C1orf21: variants seen among roughly 807,000 people sequenced by gnomAD.
C1orf21 encodes chromosome 1 open reading frame 21, also known as uncharacterized protein C1orf21.
A neutral mutation model predicts 18.7 loss-of-function variants in C1orf21; 3 were observed. That is an observed-to-expected ratio of 0.16 (90% confidence interval 0.07 to 0.42). The LOEUF (loss-of-function observed/expected upper bound fraction) is 0.42. Among genes scored for constraint, C1orf21 ranks in the 10% least tolerant of loss-of-function variants. The probability of loss-of-function intolerance (pLI) is 0.99; values close to 1 mark genes in which losing one functional copy is unlikely to be tolerated. For missense variants in C1orf21, 104 were observed against 143.6 expected, an observed-to-expected ratio of 0.72 and a Z score of 1.41; for synonymous variants, 41 against 46.4, an observed-to-expected ratio of 0.88 and a Z score of 0.47.
At chr1:184,497,864 A>G (rs953622632) in intron 2 of C1orf21, among the ~76,000 whole-genome samples, 1 of 152,174 alleles carries the variant, frequency 6.6e-6, no homozygotes, top group Non-Finnish European at 1.5e-5. Context: ...ATACTGAATA[A>G]TCTCATTCAT....
At chr1:184,604,013 T>A (rs914766155) in intron 5 of C1orf21, among the ~76,000 whole-genome samples, 1 of 152,216 alleles carries the variant, frequency 6.6e-6, no homozygotes, top group African/African-American at 2.4e-5. Context: ...ATTAGTCTGA[T>A]CCATGTTATG....
intron 1 of C1orf21, among the ~76,000 whole-genome samples, chr1:184,451,252 C>T (rs1451746019): frequency 6.6e-6 from 1 of 151,838 alleles, no homozygotes; most frequent in African/African-American, 2.4e-5. Flanking sequence ...GTTCTTTTAA[C>T]CATTTTATAT....
chr1:184,590,855 C>T, intron 4 of C1orf21, 40 bp downstream of exon 4: 1 of 1,515,792 alleles, frequency 6.6e-7, no homozygotes, highest in Non-Finnish European at 9.2e-7. Context: ...AGTCGGCCTT[C>T]CATATCCATG....
At chr1:184,470,253 C>T (rs1160372149) in intron 1 of C1orf21, among the ~76,000 whole-genome samples, 1 of 152,102 alleles carries the variant, frequency 6.6e-6, no homozygotes, top group Non-Finnish European at 1.5e-5. Flanking sequence ...AGCCCCACGT[C>T]TGATTAGAAG....
rs2102015573 is a variant in C1orf21, at chr1:184,622,584, G to A, written c.*3028G>A. 1 of 152,822 alleles carries A rather than the reference G, an allele frequency of 6.5e-6. No homozygotes were observed. The highest frequency in any genetic ancestry group is 2.4e-5 in the African/African-American group (1 of 41,578). The allele number at this position is 152,822 out of a possible 1,614,324, so 9.5% of individuals were successfully genotyped here. ...TGCTTCCTAGCCCCAGGCTTGCAGAGAACACAGAGTGGTGTTGTGGTCTAT... is the reference window on the plus strand; with the variant it reads ...TGCTTCCTAGCCCCAGGCTTGCAGAAAACACAGAGTGGTGTTGTGGTCTAT... On this transcript the variant is annotated 3_prime_UTR_variant, in exon 6 of 6. Transcript: ENST00000235307.
chr1:184,559,784 A>C lies in C1orf21; in HGVS notation c.190-30955A>C, dbSNP rs551764904. Among the ~76,000 whole-genome samples the C allele has an allele frequency of 2.0e-5, 3 of 151,848 alleles. No individual in the cohort carries two copies. The East Asian group carries it at 5.8e-4, about 29-fold the overall frequency. On this transcript the variant is annotated intron_variant, in intron 3 of 5. Transcript: ENST00000235307. ...AGGTGCATGCCACCATGCCCAGCAA[A>C]TTTTTGTAATTCTTATAAAGATGAG...
chr1:184,460,828 G>A (rs1657297634), intron 1 of C1orf21, among the ~76,000 whole-genome samples: 1 of 150,120 alleles, frequency 6.7e-6, no homozygotes, highest in Admixed American at 6.7e-5. Flanking sequence ...AAGTAATCTA[G>A]ATAAGACAGA....
intron 3 of C1orf21, among the ~76,000 whole-genome samples, chr1:184,572,883 G>A (rs557557253): frequency 4.0e-5 from 6 of 151,880 alleles, no homozygotes; most frequent in East Asian, 1.9e-4. Flanking sequence ...ACCAGGAGGC[G>A]GAGGTTGCAG....
chr1:184,625,886 A>G lies in C1orf21; in HGVS notation c.*6330A>G, dbSNP rs6701227. 24,553 of 152,032 alleles carry G rather than the reference A, an allele frequency of 0.16. 2,414 individuals are homozygous for G. Among genetic ancestry groups the G allele is most frequent in the African/African-American group, 0.29 (11,837 of 41,374 alleles). 9.4% of individuals were successfully genotyped at this position (152,032 alleles called of 1,614,324 possible). A position where few individuals can be genotyped will look rare whatever the true frequency, so the allele number is the denominator to read the frequency against. On this transcript the variant is annotated 3_prime_UTR_variant, in exon 6 of 6. Coordinates refer to ENST00000235307, the MANE Select transcript of C1orf21 (RefSeq NM_030806.4). ...CCTTTCCTGGCCTTACACACATAATAGACACATCCCTAACGGCGTGTGCCT... is the reference window on the plus strand; with the variant it reads ...CCTTTCCTGGCCTTACACACATAATGGACACATCCCTAACGGCGTGTGCCT...
intron 1 of C1orf21, among the ~76,000 whole-genome samples, chr1:184,467,991 T>C (rs986155174): frequency 5.1e-5 from 7 of 138,202 alleles, no homozygotes; most frequent in Admixed American, 1.4e-4. Flanking sequence ...TTTTATGGTG[T>C]GTGTGTGTGT....
At chr1:184,445,729 G>A (rs1657020153) in intron 1 of C1orf21, among the ~76,000 whole-genome samples, 1 of 152,048 alleles carries the variant, frequency 6.6e-6, no homozygotes, top group South Asian at 2.1e-4. Context: ...CCTTAGGAGG[G>A]CATTAGTTAG....
At chr1:184,559,196 C>A (rs1423570575) in intron 3 of C1orf21, among the ~76,000 whole-genome samples, 1 of 152,124 alleles carries the variant, frequency 6.6e-6, no homozygotes, top group Non-Finnish European at 1.5e-5. Context: ...GAGGATCCCT[C>A]ATGGCTTGGT....
At chr1:184,536,822 A>G (rs1658563882) in intron 3 of C1orf21, among the ~76,000 whole-genome samples, 1 of 148,994 alleles carries the variant, frequency 6.7e-6, no homozygotes, top group South Asian at 2.2e-4. Context: ...TCGACAGCAT[A>G]GTCTGATGGA....
intron 1 of C1orf21, among the ~76,000 whole-genome samples, chr1:184,414,943 A>C (rs35350002): frequency 0.047 from 7,204 of 152,220 alleles, 276 homozygotes; most frequent in Non-Finnish European, 0.071. Context: ...TTGTTTTTCA[A>C]CGTTTGAGAT....
intron 3 of C1orf21, among the ~76,000 whole-genome samples, chr1:184,565,759 A>G (rs943251817): frequency 6.6e-6 from 1 of 152,256 alleles, no homozygotes; most frequent in Admixed American, 6.5e-5. Flanking sequence ...AAAGTCCTGC[A>G]TATTAAACCT....
At chr1:184,550,583 G>A (rs1415678998) in intron 3 of C1orf21, among the ~76,000 whole-genome samples, 1 of 152,128 alleles carries the variant, frequency 6.6e-6, no homozygotes, top group Non-Finnish European at 1.5e-5. Flanking sequence ...CACCCAGGCT[G>A]GAGTGCAGTG....
At chr1:184,511,950 A>G (rs1361539745) in intron 3 of C1orf21, among the ~76,000 whole-genome samples, 2 of 152,154 alleles carry the variant, frequency 1.3e-5, no homozygotes, top group Non-Finnish European at 2.9e-5. Context: ...TCCCCTTACA[A>G]GTGAAGATTG....
intron 3 of C1orf21, among the ~76,000 whole-genome samples, chr1:184,531,161 A>G (rs1658456984): frequency 6.6e-6 from 1 of 152,200 alleles, no homozygotes; most frequent in South Asian, 2.1e-4. Context: ...CTGCTTACAA[A>G]TATAAGAGAA....
chr1:184,575,053 A>C (rs1399192025), intron 3 of C1orf21, among the ~76,000 whole-genome samples: 1 of 152,218 alleles, frequency 6.6e-6, no homozygotes, highest in Non-Finnish European at 1.5e-5. Flanking sequence ...CACCACTTTA[A>C]AGGACTACAG....
Sources: gnomAD v4.1 joint callset for allele counts (sites outside exome capture counted in the v4.1 genomes callset) on GRCh38, gnomAD v4.1.1 for gene constraint, MANE v1.5 for transcripts, NCBI Gene and HGNC (gene_info 2026-07-23, HGNC 2026-07-21) for gene names.